SAMMSON: variants seen among roughly 807,000 people sequenced by gnomAD.
SAMMSON encodes the protein long intergenic non-protein coding RNA 1212.
rs563894920 is a variant in SAMMSON at position 70,159,125 on chromosome 3, C to T, written n.507+87560C>T. On this transcript the variant is annotated intron_variant and non_coding_transcript_variant, in intron 4 of 9. Transcript: ENST00000642114. ...TTCTTTCTACAACCTTTTTTGATAC[C>T]CAAAATATATTTTCATACATGTAAG... is the stretch of plus-strand genomic sequence containing the variant. Among the ~76,000 whole-genome samples the T allele has an allele frequency of 1.8e-4, 28 of 151,574 alleles. No homozygotes were observed. The East Asian group carries it at 4.5e-3, about 24-fold the overall frequency.
At chr3:70,225,111 A>C (rs1701491440) in intron 4 of SAMMSON, among the ~76,000 whole-genome samples, 2 of 152,320 alleles carry the variant, frequency 1.3e-5, no homozygotes, top group South Asian at 4.2e-4. Flanking sequence ...ATCTTTCTCC[A>C]TATAAGAAAG....
chr3:70,149,203 A>G (rs2067561766), intron 4 of SAMMSON, among the ~76,000 whole-genome samples: 1 of 152,098 alleles, frequency 6.6e-6, no homozygotes, highest in African/African-American at 2.4e-5. Flanking sequence ...ATAGGTGTTT[A>G]GTTTACAAAC....
At chr3:70,410,319 G>A (rs1415732525) in intron 2 of SAMMSON, among the ~76,000 whole-genome samples, 1 of 152,190 alleles carries the variant, frequency 6.6e-6, no homozygotes, top group Middle Eastern at 3.2e-3. Flanking sequence ...ATGACACCTT[G>A]ATTCTGGTGC....
intron 6 of SAMMSON, among the ~76,000 whole-genome samples, chr3:70,275,370 T>A (rs117521457): frequency 6.6e-6 from 1 of 151,724 alleles, no homozygotes; most frequent in East Asian, 1.9e-4. Flanking sequence ...AAAAAATTAG[T>A]TGGGTGTGGT....
chr3:70,320,840 C>T (rs751890338), intron 7 of SAMMSON, among the ~76,000 whole-genome samples: 3 of 152,062 alleles, frequency 2.0e-5, no homozygotes, highest in Non-Finnish European at 2.9e-5. Flanking sequence ...GTTTGGAATG[C>T]GAGAAAATAG....
At chr3:70,211,996 T>A (rs1701356154) in intron 4 of SAMMSON, among the ~76,000 whole-genome samples, 1 of 151,882 alleles carries the variant, frequency 6.6e-6, no homozygotes. Flanking sequence ...TCCAGCTCCT[T>A]CCATGTATTT....
chr3:70,016,779 A>G (rs969048105), intron 3 of SAMMSON, among the ~76,000 whole-genome samples: 4 of 152,212 alleles, frequency 2.6e-5, no homozygotes, highest in African/African-American at 7.2e-5. Flanking sequence ...TGTAAGGAAG[A>G]GATCCACTTT....
At chr3:70,366,910 A>G (rs1353814880) in intron 9 of SAMMSON, among the ~76,000 whole-genome samples, 1 of 150,744 alleles carries the variant, frequency 6.6e-6, no homozygotes, top group East Asian at 1.9e-4. Flanking sequence ...TTTAATTTGC[A>G]TTTTCTTAGT....
chr3:70,419,441 G>C (rs982484027), intron 2 of SAMMSON, among the ~76,000 whole-genome samples: 1 of 152,138 alleles, frequency 6.6e-6, no homozygotes, highest in African/African-American at 2.4e-5. Flanking sequence ...CTCCTGCATA[G>C]TTATTGTTCC....
At chr3:70,111,723 T>A (rs908305755) in intron 4 of SAMMSON, among the ~76,000 whole-genome samples, 61 of 152,174 alleles carry the variant, frequency 4.0e-4, no homozygotes, top group African/African-American at 1.3e-3. Context: ...AGAGTATAAA[T>A]AACAGAACTG....
intron 4 of SAMMSON, among the ~76,000 whole-genome samples, chr3:70,193,995 G>C (rs1480899272): frequency 6.6e-6 from 1 of 152,174 alleles, no homozygotes; most frequent in African/African-American, 2.4e-5. Flanking sequence ...GTCCAGCATT[G>C]ATAATTAATT....
chr3:70,157,802 A>G (rs939544839), intron 4 of SAMMSON, among the ~76,000 whole-genome samples: 2 of 152,070 alleles, frequency 1.3e-5, no homozygotes, highest in Non-Finnish European at 2.9e-5. Context: ...AGGAAATGCC[A>G]TTTATTGACC....
At chr3:70,292,325 A>T (rs140219769) in intron 7 of SAMMSON, among the ~76,000 whole-genome samples, 2 of 152,266 alleles carry the variant, frequency 1.3e-5, no homozygotes, top group East Asian at 3.9e-4. Context: ...ATTAGAATGG[A>T]GTCTCTGAGA....
chr3:70,286,133 C>T (rs1702160560), intron 6 of SAMMSON, among the ~76,000 whole-genome samples: 1 of 152,208 alleles, frequency 6.6e-6, no homozygotes, highest in Non-Finnish European at 1.5e-5. Context: ...AGTCCTTGCC[C>T]ATGCCTATGT....
chr3:70,168,107 G>T (rs2067645277), intron 4 of SAMMSON, among the ~76,000 whole-genome samples: 1 of 151,976 alleles, frequency 6.6e-6, no homozygotes, highest in Non-Finnish European at 1.5e-5. Flanking sequence ...GACAAAGAGT[G>T]GTTCTCCTCC....
intron 3 of SAMMSON, among the ~76,000 whole-genome samples, chr3:70,021,272 A>G (rs1001987256): frequency 1.3e-5 from 2 of 152,126 alleles, no homozygotes; most frequent in Non-Finnish European, 2.9e-5. Context: ...CAGTTAAAAT[A>G]TATTTTTTCA....
intron 4 of SAMMSON, among the ~76,000 whole-genome samples, chr3:70,203,498 T>C (rs1701260871): frequency 6.6e-6 from 1 of 152,126 alleles, no homozygotes; most frequent in Admixed American, 6.5e-5. Flanking sequence ...CAACTAACAC[T>C]CAAGTCAGTT....
intron 7 of SAMMSON, among the ~76,000 whole-genome samples, chr3:70,334,302 T>C (rs1052548075): frequency 6.7e-6 from 1 of 148,944 alleles, no homozygotes; most frequent in African/African-American, 2.5e-5. Flanking sequence ...AAATTTAAAA[T>C]ATGGATTTAT....
At chr3:70,237,144 T>C (rs191591364) in intron 4 of SAMMSON, among the ~76,000 whole-genome samples, 1 of 152,316 alleles carries the variant, frequency 6.6e-6, no homozygotes, top group East Asian at 1.9e-4. Flanking sequence ...GCATATCTGG[T>C]TTTTACTTAA....
Sources: gnomAD v4.1 joint callset for allele counts (sites outside exome capture counted in the v4.1 genomes callset) on GRCh38, gnomAD v4.1.1 for gene constraint, MANE v1.5 for transcripts, NCBI Gene and HGNC (gene_info 2026-07-23, HGNC 2026-07-21) for gene names.